The following ZNF25 variants were observed in gnomAD, a reference collection of about 807,000 sequenced individuals.
The protein encoded by ZNF25 is zinc finger protein 25, also known as zinc finger protein 25 (KOX 19).
A neutral mutation model predicts 30.9 loss-of-function variants in ZNF25; 21 were observed. That is an observed-to-expected ratio of 0.68 (90% CI 0.48 to 0.98). ZNF25 has a LOEUF of 0.98. Among genes scored for constraint, ZNF25 ranks in the 50% least tolerant of loss-of-function variants. ZNF25 has a pLI of 0.00. For synonymous variants in ZNF25, 169 were observed against 181.3 expected (o/e 0.93, Z 0.55); for missense variants, 501 against 529.9 (o/e 0.95, Z 0.54).
chr10:37,965,406 AT>A, intron 2 of ZNF25, among the ~76,000 whole-genome samples: 1 of 152,352 alleles, frequency 6.6e-6, no homozygotes, highest in South Asian at 2.1e-4. Flanking sequence ...AACTCCAGTC[AT>A]TAAGATTAAT....
In ZNF25 at chr10:37,952,485, CCT is replaced by C. The variant is rs1491561731; in HGVS notation, c.1011_1012del (p.Lys340ThrfsTer3). The stretch of plus-strand genomic sequence containing the variant: ...TTTATTACATTCAAAGGGTTTCTCC[CCT>C]GTGTGAGTTCGCTGATGTACTGTGA... On this transcript the variant is annotated frameshift_variant, in exon 6 of 6. Transcript: ENST00000302609. LOFTEE classifies it high-confidence loss of function. 8.1e-6 allele frequency: 13 copies of C among 1,613,848 alleles called. No individual in the cohort carries two copies. Among genetic ancestry groups the C allele is most frequent in the African/African-American group, 4.0e-5 (3 of 74,906 alleles).
At chr10:37,962,311 C>A (rs530389163) in intron 2 of ZNF25, among the ~76,000 whole-genome samples, 58 of 150,808 alleles carry the variant, frequency 3.8e-4, no homozygotes, top group African/African-American at 1.3e-3. Flanking sequence ...TAACAGGAAA[C>A]TAGAAAATTT....
intron 4 of ZNF25, 118 bp from the exon 5 acceptor site, chr10:37,953,876 C>T (rs2062345289): frequency 1.1e-6 from 1 of 916,856 alleles, no homozygotes; most frequent in Non-Finnish European, 1.7e-6. Flanking sequence ...ATGCAAATTT[C>T]CTCTAGCCCA....
chr10:37,972,905 C>T (rs963492030), intron 1 of ZNF25, among the ~76,000 whole-genome samples: 2 of 152,140 alleles, frequency 1.3e-5, no homozygotes, highest in African/African-American at 2.4e-5. Flanking sequence ...CGGTGGCTCA[C>T]GCCTGTAATC....
In ZNF25 at chr10:37,951,282, T is replaced by C. The variant is rs2062129944; in HGVS notation, c.*845A>G. Reference sequence around the variant, plus strand: ...CACATAATAGTTACTGAACTAAGATTATATTATTTCGCTATGTACCATTAT... The same window carrying C: ...CACATAATAGTTACTGAACTAAGATCATATTATTTCGCTATGTACCATTAT... On this transcript the variant is annotated 3_prime_UTR_variant, in exon 6 of 6. Transcript: ENST00000302609. 6.6e-6 allele frequency: 1 copy of C among 152,418 alleles called. No individual in the cohort carries two copies. The highest frequency in any genetic ancestry group is 1.5e-5 in the Non-Finnish European group (1 of 68,050). 9.4% of individuals were successfully genotyped at this position (152,418 alleles called of 1,614,324 possible). A position where few individuals can be genotyped will look rare whatever the true frequency, so the allele number is the denominator to read the frequency against.
At chr10:37,961,321 T>C (rs999207899) in intron 2 of ZNF25, among the ~76,000 whole-genome samples, 1 of 152,198 alleles carries the variant, frequency 6.6e-6, no homozygotes, top group African/African-American at 2.4e-5. Flanking sequence ...ACTAGTTTCT[T>C]AAATGACAGC....
intron 5 of ZNF25, 99 bp from the exon 6 acceptor site, chr10:37,953,294 G>A (rs1314523004): frequency 8.5e-6 from 9 of 1,052,934 alleles, no homozygotes; most frequent in South Asian, 6.5e-5. Context: ...TCTGAGGACC[G>A]ATTTCTAGAG....
intron 1 of ZNF25, among the ~76,000 whole-genome samples, chr10:37,973,540 C>T (rs2063615232): frequency 6.6e-6 from 1 of 150,554 alleles, no homozygotes; most frequent in Admixed American, 6.6e-5. Context: ...AATCGCTTGA[C>T]CCTGGGAGAC....
intron 2 of ZNF25, among the ~76,000 whole-genome samples, chr10:37,966,581 G>A (rs2063201346): frequency 1.3e-5 from 2 of 152,160 alleles, no homozygotes; most frequent in African/African-American, 2.4e-5. Flanking sequence ...TCACATGGCA[G>A]AGCAGGAGAT....
chr10:37,955,403 C>A (rs1163155036), intron 4 of ZNF25, among the ~76,000 whole-genome samples: 1 of 152,150 alleles, frequency 6.6e-6, no homozygotes, highest in Non-Finnish European at 1.5e-5. Context: ...CAATGTACAT[C>A]TGCTGCATTA....
At chr10:37,955,269 T>A (rs1276138918) in intron 4 of ZNF25, among the ~76,000 whole-genome samples, 1 of 152,210 alleles carries the variant, frequency 6.6e-6, no homozygotes, top group Non-Finnish European at 1.5e-5. Context: ...AGGGCCAGAC[T>A]AGTTCCTGAC....
intron 3 of ZNF25, 55 bp from the exon 4 acceptor site, chr10:37,957,170 G>C (rs2062587477): frequency 6.5e-7 from 1 of 1,526,778 alleles, no homozygotes; most frequent in South Asian, 1.1e-5. Context: ...TTTAGGGACT[G>C]TGAAAGATGA....
chr10:37,970,970 C>T (rs1256411415), intron 2 of ZNF25, among the ~76,000 whole-genome samples: 2 of 152,152 alleles, frequency 1.3e-5, no homozygotes, highest in African/African-American at 2.4e-5. Context: ...CAAACATATA[C>T]CTCAGAAATA....
At position 37,952,988 on chromosome 10, in the gene ZNF25, T is replaced by C. The variant is rs1208990983; in HGVS notation, c.510A>G (p.Arg170=). The C allele has an allele frequency of 1.9e-6, 3 of 1,613,974 alleles. No homozygotes were observed. Among genetic ancestry groups the C allele is most frequent in the African/African-American group, 2.7e-5 (2 of 74,930 alleles). The change falls in exon 6 of 6, where the codon AGA becomes AGG. Residue 170 remains arginine, a synonymous_variant. Transcript: ENST00000302609. ...ATTCTTTACACTCATAGGTTTTATCTCTCGTGTGAATTTTCTGATGTCTTA... is the reference window on the plus strand; with the variant it reads ...ATTCTTTACACTCATAGGTTTTATCCCTCGTGTGAATTTTCTGATGTCTTA... ...DLIRHQKIHT[R]DKTYECKECK...
At position 37,953,880 on chromosome 10, in the gene ZNF25, T is replaced by C. The variant is rs1254218525; in HGVS notation, c.239-122A>G. The C allele has an allele frequency of 6.8e-6, 6 of 883,048 alleles. No homozygotes were observed. The Admixed American group carries it at 1.3e-4, about 20-fold the overall frequency. 54.7% of individuals were successfully genotyped at this position (883,048 alleles called of 1,614,324 possible). On this transcript the variant is annotated intron_variant, in intron 4 of 5. Coordinates refer to ENST00000302609, the MANE Select transcript of ZNF25 (RefSeq NM_145011.4). The stretch of plus-strand genomic sequence containing the variant: ...AAGAACCTCAAATGCAAATTTCCTC[T>C]AGCCCATTGTTTTGGGAAAAAAACC...
At chr10:37,957,572 T>C (rs376955445) in intron 2 of ZNF25, 26 bp from the exon 3 acceptor site, 6 of 1,607,428 alleles carry the variant, frequency 3.7e-6, no homozygotes, top group Admixed American at 1.7e-5. Context: ...TCAGTTCAAT[T>C]TGAAGTAACC....
intron 4 of ZNF25, among the ~76,000 whole-genome samples, chr10:37,954,655 A>G (rs1033734321): frequency 6.6e-6 from 1 of 152,136 alleles, no homozygotes; most frequent in Non-Finnish European, 1.5e-5. Context: ...AATTTACTAC[A>G]GGATCTTTAA....
chr10:37,957,262 C>T, intron 3 of ZNF25, 147 bp from the exon 4 acceptor site: 1 of 1,269,816 alleles, frequency 7.9e-7, no homozygotes, highest in Non-Finnish European at 1.1e-6. Flanking sequence ...GAGAGGGACA[C>T]AAATATTTTT....
intron 2 of ZNF25, among the ~76,000 whole-genome samples, chr10:37,967,421 CT>C (rs34878046): frequency 0.019 from 2,770 of 144,886 alleles, 46 homozygotes; most frequent in Non-Finnish European, 0.023. Context: ...TGATTTTCTT[CT>C]TTTTTTTTTT....
Sources: gnomAD v4.1 joint callset for allele counts (sites outside exome capture counted in the v4.1 genomes callset) on GRCh38, gnomAD v4.1.1 for gene constraint, MANE v1.5 for transcripts, NCBI Gene and HGNC (gene_info 2026-07-23, HGNC 2026-07-21) for gene names.